PSD3: variants seen among roughly 807,000 people sequenced by gnomAD.
PSD3 encodes pleckstrin and Sec7 domain containing 3.
In PSD3, 49 loss-of-function variants were observed where a neutral mutation model predicts 105.5. The observed-to-expected ratio is 0.46, with a 90% CI of 0.37 to 0.59. PSD3 has a LOEUF of 0.59. PSD3 is among the 20% of genes least tolerant of loss of function. PSD3 has a pLI of 0.00. For missense variants in PSD3, 1,561 were observed against 1,263.8 expected, an observed-to-expected ratio of 1.24 and a Z score of -3.57; for synonymous variants, 557 against 457.8, an observed-to-expected ratio of 1.22 and a Z score of -2.77.
chr8:18,731,207 G>T (rs1261013831), intron 9 of PSD3, among the ~76,000 whole-genome samples: 4 of 152,184 alleles, frequency 2.6e-5, no homozygotes, highest in African/African-American at 9.7e-5. Flanking sequence ...AGTGAGCAGA[G>T]ATTGCACCAC....
rs548405805 is a variant in PSD3, at chr8:18,770,651, C to A, written c.2083-5113G>T. Among the ~76,000 whole-genome samples the A allele has an allele frequency of 7.9e-5, 12 of 152,286 alleles. No homozygotes were observed. The East Asian group carries it at 2.3e-3, about 29-fold the overall frequency. On this transcript the variant is annotated intron_variant, in intron 8 of 15. Coordinates refer to ENST00000327040, the MANE Select transcript of PSD3 (RefSeq NM_015310.4). ...GCAGGAGTGAACTCTGTACTGGTCC[C>A]GCAGCAACATCTGGGGAGGGGTGCC...
Position 18,801,279 on chromosome 8 carries a change from C to T in PSD3, c.2014G>A (p.Ala672Thr). 1 of 1,562,750 alleles carries T rather than the reference C, an allele frequency of 6.4e-7. No individual in the cohort carries two copies. Among genetic ancestry groups the T allele is most frequent in the African/African-American group, 1.4e-5 (1 of 73,508 alleles). Residue 672 changes from alanine to threonine, a missense_variant, in exon 7 of 16, where the codon GCT becomes ACT. Coordinates refer to ENST00000327040, the MANE Select transcript of PSD3 (RefSeq NM_015310.4). ...ATTTGTATCAGATTACCTTGTGAAG[C>T]AATGGTATCTGGGTTACAATAAAAA... ...RYFYCNPDTI[A>T]SQDGVHCLTC...
chr8:18,871,827 G>A lies in PSD3; in HGVS notation c.1037C>T (p.Ser346Leu), dbSNP rs1279060025. ...ESSKVPRHLI[S>L]SAGLCNSSSL... is the part of the protein sequence containing the mutation. ...ACTTGAATTACACAAACCAGCTGATGAGATGAGATGGCGTGGCACTTTGGA... is the reference window on the plus strand; with the variant it reads ...ACTTGAATTACACAAACCAGCTGATAAGATGAGATGGCGTGGCACTTTGGA... The change falls in exon 3 of 16, where the codon TCA (serine) becomes TTA (leucine). Residue 346 changes from serine (S) to leucine (L), a missense_variant. Coordinates refer to ENST00000327040, the MANE Select transcript of PSD3 (RefSeq NM_015310.4). 1.2e-6 allele frequency: 2 copies of A among 1,614,198 alleles called. No homozygotes were observed. Among genetic ancestry groups the A allele is most frequent in the East Asian group, 4.5e-5 (2 of 44,884 alleles).
intron 1 of PSD3, among the ~76,000 whole-genome samples, chr8:19,059,310 C>T (rs112970976): frequency 2.6e-5 from 4 of 152,334 alleles, no homozygotes; most frequent in African/African-American, 4.8e-5. Context: ...CCCCCTTTAC[C>T]TGCGTAGGAA....
intron 2 of PSD3, among the ~76,000 whole-genome samples, chr8:18,874,663 A>G (rs1817613383): frequency 7.1e-6 from 1 of 140,098 alleles, no homozygotes. Context: ...AGATTGCACC[A>G]TTGTAGTCCA....
chr8:19,007,027 G>A (rs1164619878), intron 1 of PSD3, among the ~76,000 whole-genome samples: 4 of 152,050 alleles, frequency 2.6e-5, no homozygotes, highest in East Asian at 1.9e-4. Context: ...GGCTGAGGGG[G>A]ACAGATCACC....
intron 1 of PSD3, among the ~76,000 whole-genome samples, chr8:18,973,763 A>G (rs1359941476): frequency 6.6e-6 from 1 of 152,228 alleles, no homozygotes; most frequent in African/African-American, 2.4e-5. Flanking sequence ...TGGGAGTATT[A>G]GAGTTGGACT....
chr8:18,781,326 T>C (rs2129445276), intron 8 of PSD3, among the ~76,000 whole-genome samples: 1 of 152,348 alleles, frequency 6.6e-6, no homozygotes, highest in South Asian at 2.1e-4. Context: ...GCATATCCTT[T>C]TTCTATGGCA....
intron 1 of PSD3, among the ~76,000 whole-genome samples, chr8:18,936,834 T>C (rs1822171094): frequency 6.6e-6 from 1 of 152,042 alleles, no homozygotes; most frequent in Non-Finnish European, 1.5e-5. Flanking sequence ...CCACAGTCCA[T>C]AACAAGAATA....
upstream of PSD3, among the ~76,000 whole-genome samples, chr8:19,016,639 AAT>A (rs1199722155): frequency 6.6e-6 from 1 of 152,244 alleles, no homozygotes; most frequent in Non-Finnish European, 1.5e-5. Context: ...ACACTTCAGT[AAT>A]ATTTGTCTTC....
intron 12 of PSD3, among the ~76,000 whole-genome samples, chr8:18,596,673 G>A (rs1419571552): frequency 6.6e-6 from 1 of 151,950 alleles, no homozygotes; most frequent in Non-Finnish European, 1.5e-5. Context: ...AAACTAAAAG[G>A]ATTCTAAGAA....
intron 10 of PSD3, among the ~76,000 whole-genome samples, chr8:18,644,661 C>A (rs950245188): frequency 6.6e-6 from 1 of 152,154 alleles, no homozygotes; most frequent in South Asian, 2.1e-4. Context: ...CACAATGCTC[C>A]GTTTGCAGCA....
At chr8:18,887,572 CAGA>C (rs1818522222) in intron 2 of PSD3, among the ~76,000 whole-genome samples, 1 of 152,122 alleles carries the variant, frequency 6.6e-6, no homozygotes, top group Non-Finnish European at 1.5e-5. Context: ...TGGAAAGTAG[CAGA>C]AGATGAGTAA....
intron 8 of PSD3, among the ~76,000 whole-genome samples, chr8:18,790,306 T>TG (rs1809581886): frequency 1.5e-5 from 2 of 135,422 alleles, no homozygotes; most frequent in African/African-American, 5.9e-5. Context: ...TTTTCTTTTC[T>TG]TTTTTTTTTT....
At chr8:18,746,789 G>T (rs1158802953) in intron 9 of PSD3, among the ~76,000 whole-genome samples, 1 of 152,116 alleles carries the variant, frequency 6.6e-6, no homozygotes, top group South Asian at 2.1e-4. Context: ...AGGTTCATTT[G>T]TTACTGTTTA....
At chr8:18,670,392 G>T (rs1042850767) in intron 9 of PSD3, among the ~76,000 whole-genome samples, 2 of 152,160 alleles carry the variant, frequency 1.3e-5, no homozygotes, top group African/African-American at 4.8e-5. Flanking sequence ...AGGGTGACCT[G>T]CTGTAATTCA....
chr8:18,751,211 G>A (rs1458751837), intron 9 of PSD3, among the ~76,000 whole-genome samples: 7 of 152,178 alleles, frequency 4.6e-5, no homozygotes, highest in East Asian at 1.9e-4. Flanking sequence ...AAGGCCCGGC[G>A]AGAAATCGAG....
intron 1 of PSD3, among the ~76,000 whole-genome samples, chr8:19,034,159 C>A (rs1042753416): frequency 6.6e-6 from 1 of 152,132 alleles, no homozygotes; most frequent in Non-Finnish European, 1.5e-5. Context: ...GAATTAGTGG[C>A]TCTTTTTCCC....
At chr8:18,784,601 G>A (rs1243113820) in intron 8 of PSD3, among the ~76,000 whole-genome samples, 1 of 152,154 alleles carries the variant, frequency 6.6e-6, no homozygotes, top group African/African-American at 2.4e-5. Context: ...GGGGTTTGCA[G>A]GATCATCTAT....
Sources: allele counts gnomAD v4.1 joint callset (sites outside exome capture counted in the v4.1 genomes callset), GRCh38; gene constraint gnomAD v4.1.1; transcripts MANE v1.5; gene names NCBI Gene and HGNC (gene_info 2026-07-23, HGNC 2026-07-21).